ZNF600: variants seen among roughly 807,000 people sequenced by gnomAD.
ZNF600 encodes zinc finger protein 600, also known as zinc finger protein KR-ZNF1.
Under a neutral mutation model 7.3 loss-of-function variants are expected in ZNF600, and 4 were observed. That is an observed-to-expected ratio of 0.55 (90% CI 0.27 to 1.25). The LOEUF is 1.25. ZNF600 is among the 50% of genes most tolerant of loss of function. ZNF600 has a pLI of 0.12. For missense variants in ZNF600, 911 were observed against 922.1 expected, an observed-to-expected ratio of 0.99 and a Z score of 0.16; for synonymous variants, 290 against 308.9, an observed-to-expected ratio of 0.94 and a Z score of 0.64.
the ZNF600 span, among the ~76,000 whole-genome samples, chr19:52,803,293 C>G: frequency 6.6e-6 from 1 of 151,660 alleles, no homozygotes; most frequent in Admixed American, 6.6e-5. Flanking sequence ...GTTGGCCAGG[C>G]TGGTCTCGAA....
At chr19:52,796,260 G>A in the ZNF600 span, among the ~76,000 whole-genome samples, 1 of 152,148 alleles carries the variant, frequency 6.6e-6, no homozygotes, top group Non-Finnish European at 1.5e-5. Context: ...ACCTCAGGAG[G>A]TCCTGACGAT....
chr19:52,814,755 C>T, the ZNF600 span, among the ~76,000 whole-genome samples: 1 of 146,028 alleles, frequency 6.8e-6, no homozygotes, highest in Non-Finnish European at 1.5e-5. Flanking sequence ...GACATGGTGG[C>T]ACTCGCTTGT....
At chr19:52,809,161 C>T in the ZNF600 span, among the ~76,000 whole-genome samples, 1 of 152,084 alleles carries the variant, frequency 6.6e-6, no homozygotes, top group Non-Finnish European at 1.5e-5. Flanking sequence ...GGAATCTTGT[C>T]AGATCTAAGA....
the ZNF600 span, among the ~76,000 whole-genome samples, chr19:52,804,202 C>G: frequency 6.6e-6 from 1 of 152,204 alleles, no homozygotes; most frequent in Non-Finnish European, 1.5e-5. Flanking sequence ...TCACCAGGAA[C>G]CAATTTGGCT....
the ZNF600 span, among the ~76,000 whole-genome samples, chr19:52,811,593 G>GGGA: frequency 1.4e-3 from 205 of 147,186 alleles, no homozygotes; most frequent in African/African-American, 4.8e-3. Flanking sequence ...AACCCTGTCT[G>GGGA]GGAGGTGAGG....
At chr19:52,809,928 G>A in the ZNF600 span, 5 of 862,248 alleles carry the variant, frequency 5.8e-6, no homozygotes, top group East Asian at 2.6e-5. Context: ...CGGTGGGGAG[G>A]CCGGGGAGGT....
chr19:52,801,822 A>G, the ZNF600 span: 1 of 969,648 alleles, frequency 1.0e-6, no homozygotes, highest in Non-Finnish European at 1.5e-6. Flanking sequence ...TGATCTTCAA[A>G]GTTTAAGAAC....
At chr19:52,821,742 C>T in the ZNF600 span, 1 of 152,100 alleles carries the variant, frequency 6.6e-6, no homozygotes, top group Admixed American at 6.5e-5. Flanking sequence ...GAGACCTTGC[C>T]CTTTAGAACC....
chr19:52,811,006 C>A, the ZNF600 span, among the ~76,000 whole-genome samples: 2 of 146,978 alleles, frequency 1.4e-5, no homozygotes, highest in African/African-American at 5.0e-5. Context: ...TCTCCTGCCT[C>A]AGCCTGCCGA....
At chr19:52,827,748 T>C in the ZNF600 span, among the ~76,000 whole-genome samples, 2 of 151,864 alleles carry the variant, frequency 1.3e-5, no homozygotes, top group African/African-American at 2.4e-5. Context: ...GGTTTCACCA[T>C]GTTAGCCAGG....
chr19:52,796,040 T>C, the ZNF600 span, among the ~76,000 whole-genome samples: 7 of 152,084 alleles, frequency 4.6e-5, no homozygotes, highest in East Asian at 1.4e-3. Context: ...CCGGGTGCAA[T>C]GGCGCATGGC....
At chr19:52,790,682 C>CTTTT (rs71183835), upstream of ZNF600, among the ~76,000 whole-genome samples, 12 of 98,566 alleles carry the variant, frequency 1.2e-4, no homozygotes, top group Non-Finnish European at 9.4e-5. Flanking sequence ...TCTCTCTCTC[C>CTTTT]TTTTTTTTTT....
At chr19:52,795,628 G>A in the ZNF600 span, among the ~76,000 whole-genome samples, 455 of 152,142 alleles carry the variant, frequency 3.0e-3, 3 homozygotes, top group African/African-American at 0.01. Context: ...GTGTAGGTGC[G>A]CCATCTCAGC....
At chr19:52,800,833 A>T in the ZNF600 span, 1 of 1,614,006 alleles carries the variant, frequency 6.2e-7, no homozygotes, top group Non-Finnish European at 8.5e-7. Context: ...TATGAATTAC[A>T]TGTGAAAGCT....
At chr19:52,799,325 A>C in the ZNF600 span, 3 of 461,694 alleles carry the variant, frequency 6.5e-6, no homozygotes, top group Admixed American at 1.1e-4. Context: ...AATTATATTC[A>C]AAAATCTTGT....
the ZNF600 span, among the ~76,000 whole-genome samples, chr19:52,831,468 C>T: frequency 6.6e-6 from 1 of 151,690 alleles, no homozygotes; most frequent in Admixed American, 6.6e-5. Context: ...TGCCACCAGG[C>T]CTGGCTAAAA....
At chr19:52,813,555 G>A in the ZNF600 span, among the ~76,000 whole-genome samples, 135 of 145,250 alleles carry the variant, frequency 9.3e-4, 16 homozygotes, top group African/African-American at 3.5e-3. Context: ...CCTTCCCTCC[G>A]TCTTCTCCTC....
chr19:52,810,244 T>C, the ZNF600 span: 4 of 1,240,378 alleles, frequency 3.2e-6, no homozygotes, highest in Middle Eastern at 2.6e-4. Context: ...AATATGAGTC[T>C]ACCTCCAGGC....
At chr19:52,832,358 G>A in the ZNF600 span, among the ~76,000 whole-genome samples, 2 of 152,074 alleles carry the variant, frequency 1.3e-5, no homozygotes, top group Admixed American at 6.6e-5. Context: ...CACTTTGGGA[G>A]GCTAAGGTGA....
Sources: gnomAD v4.1 joint callset for allele counts (sites outside exome capture counted in the v4.1 genomes callset) on GRCh38, gnomAD v4.1.1 for gene constraint, MANE v1.5 for transcripts, NCBI Gene and HGNC (gene_info 2026-07-23, HGNC 2026-07-21) for gene names.